Variants in QTRT1 observed in about 807,000 individuals in gnomAD.
QTRT1 encodes the protein TGT, 43-KD subunit.
In QTRT1, 41 loss-of-function variants were observed where a neutral mutation model predicts 44.0. The observed-to-expected ratio is 0.93, with a 90% confidence interval of 0.73 to 1.21. The LOEUF is 1.21. Among genes scored for constraint, QTRT1 ranks in the 50% most tolerant of loss-of-function variants. The pLI is 0.00. For synonymous variants in QTRT1, 226 were observed against 237.1 expected, an observed-to-expected ratio of 0.95 and a Z score of 0.43; for missense variants, 542 against 575.8, an observed-to-expected ratio of 0.94 and a Z score of 0.60.
chr19:10,703,981 G>T (rs1423578424), intron 3 of QTRT1, among the ~76,000 whole-genome samples: 1 of 151,870 alleles, frequency 6.6e-6, no homozygotes, highest in Non-Finnish European at 1.5e-5. Flanking sequence ...AAGTAGCTGG[G>T]ATTACAGGTG....
At position 10,712,896 on chromosome 19, in the gene QTRT1, C is replaced by G; in HGVS notation, c.971+29C>G. The stretch of plus-strand genomic sequence containing the variant: ...GGCAGGATGGCACTGGGAGCTGGGG[C>G]AGGGCATGGAGGGGACAGGGCCTGG... On this transcript the variant is annotated intron_variant, in intron 8 of 9. Transcript: ENST00000250237. The surrounding 1 kb of genome is among the most constrained non-coding windows in gnomAD (Gnocchi z 5.6). The G allele has an allele frequency of 6.2e-7, 1 of 1,612,804 alleles. No individual in the cohort carries two copies. The highest frequency in any genetic ancestry group is 8.5e-7 in the Non-Finnish European group (1 of 1,179,150).
At chr19:10,701,828 G>T in intron 1 of QTRT1, 122 bp from the exon 2 acceptor site, 1 of 1,574,468 alleles carries the variant, frequency 6.4e-7, no homozygotes, top group South Asian at 1.1e-5. Context: ...CGCCCCCAAT[G>T]ACCAGGCCTT....
At chr19:10,705,238 C>T (rs1255747571) in intron 3 of QTRT1, among the ~76,000 whole-genome samples, 1 of 138,588 alleles carries the variant, frequency 7.2e-6, no homozygotes, top group Non-Finnish European at 1.6e-5. Flanking sequence ...TTCGTCTTTT[C>T]TTTTTTTTTT....
intron 5 of QTRT1, chr19:10,710,998 T>A (rs552870636): frequency 6.6e-6 from 1 of 152,192 alleles, no homozygotes; most frequent in Admixed American, 6.6e-5. Context: ...GCTATGAATG[T>A]GCCATGGTGG....
At chr19:10,704,348 C>T (rs1488388747) in intron 3 of QTRT1, among the ~76,000 whole-genome samples, 1 of 152,118 alleles carries the variant, frequency 6.6e-6, no homozygotes, top group African/African-American at 2.4e-5. Context: ...GGCTGGAGTG[C>T]GGTGGCGCGA....
chr19:10,705,638 C>A (rs540618165), intron 3 of QTRT1, among the ~76,000 whole-genome samples: 5 of 151,384 alleles, frequency 3.3e-5, no homozygotes, highest in Admixed American at 3.3e-4. Flanking sequence ...TGGGTTCAAG[C>A]GATTCTCCTG....
rs1370487166 is a variant in QTRT1 at position 10,701,459 on chromosome 19, A to G, written c.-2A>G. The G allele has an allele frequency of 6.5e-7, 1 of 1,543,162 alleles. No homozygotes were observed. Among genetic ancestry groups the G allele is most frequent in the South Asian group, 1.2e-5 (1 of 80,910 alleles). On this transcript the variant is annotated 5_prime_UTR_variant, in exon 1 of 10. Coordinates refer to ENST00000250237, the MANE Select transcript of QTRT1 (RefSeq NM_031209.3). Reference sequence around the variant, plus strand: ...ACGGCCCACGTGGTTCCGACAGTCAAGATGGCGGGAGCAGCTACCCAGGCT... The same window carrying G: ...ACGGCCCACGTGGTTCCGACAGTCAGGATGGCGGGAGCAGCTACCCAGGCT...
intron 3 of QTRT1, among the ~76,000 whole-genome samples, chr19:10,705,640 A>T (rs1233107088): frequency 6.9e-6 from 1 of 145,778 alleles, no homozygotes; most frequent in Non-Finnish European, 1.5e-5. Flanking sequence ...GGTTCAAGCG[A>T]TTCTCCTGCC....
intron 5 of QTRT1, among the ~76,000 whole-genome samples, chr19:10,710,132 C>T (rs1056546628): frequency 6.6e-6 from 1 of 151,788 alleles, no homozygotes; most frequent in East Asian, 1.9e-4. Flanking sequence ...CTGCAGTGAG[C>T]TATGATGACA....
In QTRT1 at chr19:10,712,497, G is replaced by A; in HGVS notation, c.786-56G>A. The A allele has an allele frequency of 1.3e-6, 2 of 1,538,884 alleles. No homozygotes were observed. Among genetic ancestry groups the A allele is most frequent in the Non-Finnish European group, 1.8e-6 (2 of 1,112,540 alleles). On this transcript the variant is annotated intron_variant, in intron 6 of 9. Transcript: ENST00000250237. The surrounding 1 kb of genome is among the most constrained non-coding windows in gnomAD (Gnocchi z 5.6). ...CTGGGGCAGTGTGAGGGTTGGGAGG[G>A]GCCCTGGGAAGCCCCTGAGGTTCTC...
chr19:10,712,618 C>T lies in QTRT1; in HGVS notation c.851C>T (p.Thr284Ile), dbSNP rs768204014. 1.2e-6 allele frequency: 2 copies of T among 1,610,626 alleles called. No homozygotes were observed. Among genetic ancestry groups the T allele is most frequent in the Non-Finnish European group, 8.5e-7 (1 of 1,179,630 alleles). Residue 284 changes from threonine to isoleucine, a missense_variant, in exon 7 of 10, where the codon ACA (threonine) becomes ATA (isoleucine). By Grantham distance (89) the Thr-to-Ile change is moderately conservative. Coordinates refer to ENST00000250237, the MANE Select transcript of QTRT1 (RefSeq NM_031209.3). The surrounding 1 kb of genome is among the most constrained non-coding windows in gnomAD (Gnocchi z 5.6). ...GACATGTTCGACTGCGTCTTCCCCA[C>T]ACGGACAGCGGTGAGGCTCTGGCAG... ...GCDMFDCVFP[T>I]RTARFGSALV...
At position 10,702,472 on chromosome 19, in the gene QTRT1, G is replaced by A. The variant is rs544430881; in HGVS notation, c.451+218G>A. ...GTCAGTAAATCTCCATCCCAGCCAT[G>A]TAGTAGCTTAAGTATTATTATTGCA... On this transcript the variant is annotated intron_variant, in intron 3 of 9. Transcript: ENST00000250237. Among the ~76,000 whole-genome samples the A allele has an allele frequency of 2.6e-5, 4 of 152,254 alleles. No individual in the cohort carries two copies. The East Asian group carries it at 7.7e-4, about 29-fold the overall frequency.
intron 3 of QTRT1, 43 bp downstream of exon 3, chr19:10,702,297 G>T (rs1231690371): frequency 1.4e-5 from 21 of 1,537,466 alleles, no homozygotes; most frequent in Non-Finnish European, 1.8e-5. Flanking sequence ...CTGTCTGTCA[G>T]GGGGTGAAGT....
At position 10,713,129 on chromosome 19, in the gene QTRT1, G is replaced by A; in HGVS notation, c.1071G>A (p.Met357Ile). The stretch of plus-strand genomic sequence containing the variant: ...TCCCCTCCCCGCAGCTGCAGCTCAT[G>A]AGCGCCGTCCGCACCAGCATCGTGG... ...VHNIAYQLQL[M>I]SAVRTSIVEK... Residue 357 changes from methionine to isoleucine, a missense_variant, in exon 10 of 10, where the codon ATG becomes ATA. By Grantham distance (10) the Met-to-Ile change is conservative. Transcript: ENST00000250237. The surrounding 1 kb of genome is among the most constrained non-coding windows in gnomAD (Gnocchi z 4.3). 6.2e-7 allele frequency: 1 copy of A among 1,609,522 alleles called. No homozygotes were observed. The highest frequency in any genetic ancestry group is 8.5e-7 in the Non-Finnish European group (1 of 1,179,130).
rs1006650519 is a variant in QTRT1 at position 10,713,354 on chromosome 19, T to A, written c.*84T>A. 2 of 1,484,602 alleles carry A rather than the reference T, an allele frequency of 1.3e-6. No individual in the cohort carries two copies. The highest frequency in any genetic ancestry group is 1.8e-5 in the Admixed American group (1 of 54,214). The allele number at this position is 1,484,602 out of a possible 1,614,324, so 92.0% of individuals were successfully genotyped here. A position where few individuals can be genotyped will look rare whatever the true frequency, so the allele number is the denominator to read the frequency against. ...GGATTCCTTTTTGAAAGGTTTTTTT[T>A]ATTGTAACTTACAGAGTGTGTCTGT... is the stretch of plus-strand genomic sequence containing the variant. On this transcript the variant is annotated 3_prime_UTR_variant, in exon 10 of 10. Transcript: ENST00000250237. This position sits in a 1 kb window ranked among gnomAD's most constrained non-coding sequence, Gnocchi z 4.3.
At chr19:10,707,476 C>T (rs200641414) in intron 4 of QTRT1, 24 bp from the exon 5 acceptor site, 4 of 1,609,918 alleles carry the variant, frequency 2.5e-6, no homozygotes, top group South Asian at 1.1e-5. Flanking sequence ...GCCCCTGGGG[C>T]TTGTGACTGG....
rs2068745525 is a variant in QTRT1 at position 10,712,893 on chromosome 19, G to GGGCAGGGCATGGAGGGGACAGGGCCT, written c.971+30_972-31dup. 1 of 1,613,050 alleles carries GGGCAGGGCATGGAGGGGACAGGGCCT rather than the reference G, an allele frequency of 6.2e-7. No homozygotes were observed. Among genetic ancestry groups the GGGCAGGGCATGGAGGGGACAGGGCCT allele is most frequent in the Admixed American group, 1.7e-5 (1 of 60,004 alleles). Reference sequence around the variant, plus strand: ...GTAGGCAGGATGGCACTGGGAGCTGGGGCAGGGCATGGAGGGGACAGGGCC... The same window carrying GGGCAGGGCATGGAGGGGACAGGGCCT: ...GTAGGCAGGATGGCACTGGGAGCTGGGGCAGGGCATGGAGGGGACAGGGCCTGGCAGGGCATGGAGGGGACAGGGCC... On this transcript the variant is annotated intron_variant, in intron 8 of 9. Coordinates refer to ENST00000250237, the MANE Select transcript of QTRT1 (RefSeq NM_031209.3). The surrounding 1 kb of genome is among the most constrained non-coding windows in gnomAD (Gnocchi z 5.6).
In QTRT1 at chr19:10,712,683, G is replaced by A; in HGVS notation, c.861+55G>A. 1 of 772,384 alleles carries A rather than the reference G, an allele frequency of 1.3e-6. No individual in the cohort carries two copies. The highest frequency in any genetic ancestry group is 2.1e-5 in the Admixed American group (1 of 47,538). The allele number at this position is 772,384 out of a possible 1,614,324, so 47.8% of individuals were successfully genotyped here. A position where few individuals can be genotyped will look rare whatever the true frequency, so the allele number is the denominator to read the frequency against. On this transcript the variant is annotated intron_variant, in intron 7 of 9. Transcript: ENST00000250237. This position sits in a 1 kb window ranked among gnomAD's most constrained non-coding sequence, Gnocchi z 5.6. ...GGGAGACGGGTGGGGGACTAGGGAG[G>A]CAAGGTTAGGGGTGGGGGGTGGGGA...
At position 10,701,562 on chromosome 19, in the gene QTRT1, G is replaced by C. The variant is rs772417709; in HGVS notation, c.102G>C (p.Trp34Cys). 6.2e-7 allele frequency: 1 copy of C among 1,606,006 alleles called. No homozygotes were observed. Among genetic ancestry groups the C allele is most frequent in the Non-Finnish European group, 8.5e-7 (1 of 1,176,644 alleles). ...CCAGGGCCCGGGCAGGCGAGCTGTG[G>C]CTGCCGCATGGGACAGTGGCCACTC... Reference protein sequence around the residue: ...SRSRARAGELWLPHGTVATPV... With the variant: ...SRSRARAGELCLPHGTVATPV... The change falls in exon 1 of 10, where the codon TGG becomes TGC. Residue 34 changes from tryptophan to cysteine, a missense_variant. Physicochemically the swap from Trp to Cys is radical, Grantham distance 215. Coordinates refer to ENST00000250237, the MANE Select transcript of QTRT1 (RefSeq NM_031209.3).
Sources: gnomAD v4.1 joint callset for allele counts (sites outside exome capture counted in the v4.1 genomes callset) on GRCh38, gnomAD v4.1.1 for gene constraint, Gnocchi (gnomAD v3.1) non-coding constraint, MANE v1.5 for transcripts, NCBI Gene and HGNC (gene_info 2026-07-23, HGNC 2026-07-21) for gene names.